Variants in RYR2 observed in about 807,000 individuals in gnomAD.
RYR2 encodes cardiac muscle ryanodine receptor-calcium release channel.
In RYR2, 227 loss-of-function variants were observed where a neutral mutation model predicts 601.1. The observed-to-expected ratio is 0.38, with a 90% confidence interval of 0.34 to 0.42. The LOEUF is 0.42. Ranked by LOEUF, RYR2 falls within the 10% of genes least tolerant of loss-of-function variation. The probability of loss-of-function intolerance (pLI) is 1.00; values close to 1 mark genes in which losing one functional copy is unlikely to be tolerated. For missense variants in RYR2, 4,646 were observed against 6,156.5 expected, an observed-to-expected ratio of 0.75 and a Z score of 8.21; for synonymous variants, 2,223 against 2,175.1, an observed-to-expected ratio of 1.02 and a Z score of -0.61.
chr1:237,367,397 A>G (rs1239297381), intron 5 of RYR2, among the ~76,000 whole-genome samples: 2 of 63,754 alleles, frequency 3.1e-5, no homozygotes, highest in African/African-American at 6.6e-5. Flanking sequence ...TGGCCCCCCA[A>G]AAAAAGTGGT....
intron 1 of RYR2, among the ~76,000 whole-genome samples, chr1:237,159,539 AC>A (rs1229755688): frequency 6.6e-6 from 1 of 151,890 alleles, no homozygotes; most frequent in African/African-American, 2.4e-5. Flanking sequence ...TTAAATGTGA[AC>A]TCAGGCCGGG....
intron 10 of RYR2, among the ~76,000 whole-genome samples, chr1:237,407,343 G>C (rs1015158517): frequency 7.1e-6 from 1 of 141,130 alleles, no homozygotes; most frequent in Non-Finnish European, 1.5e-5. Flanking sequence ...CCTATGGTAA[G>C]AGTATGTTTA....
intron 1 of RYR2, among the ~76,000 whole-genome samples, chr1:237,119,594 AGTTT>A (rs1670548617): frequency 6.6e-6 from 1 of 152,124 alleles, no homozygotes; most frequent in African/African-American, 2.4e-5. Context: ...TACGATGGCC[AGTTT>A]GTTTGGAGGA....
chr1:237,711,939 T>C (rs932218519), intron 71 of RYR2, 102 bp downstream of exon 71: 2 of 668,436 alleles, frequency 3.0e-6, no homozygotes, highest in Non-Finnish European at 5.4e-6. Flanking sequence ...AACTGGAATC[T>C]GACAGATTTG....
At position 237,737,046 on chromosome 1, in the gene RYR2, C is replaced by G. The variant is rs1691212160; in HGVS notation, c.11091+3290C>G. On this transcript the variant is annotated intron_variant, in intron 79 of 104. Transcript: ENST00000366574. ...TGGGTGTTCTCTGCAGCTGAAGAAT[C>G]GAAGTGGGCTGAACAGGTAGAAGCT... is the stretch of plus-strand genomic sequence containing the variant. Among the ~76,000 whole-genome samples, 3 of 152,102 alleles carry G rather than the reference C, an allele frequency of 2.0e-5. No homozygotes were observed. In the South Asian group the frequency reaches 6.2e-4, roughly 32 times the overall value.
At chr1:237,814,854 T>G (rs1224230477) in intron 100 of RYR2, among the ~76,000 whole-genome samples, 3 of 151,926 alleles carry the variant, frequency 2.0e-5, no homozygotes, top group African/African-American at 4.8e-5. Context: ...AAAAGTACAC[T>G]CCTAGGGAAA....
At chr1:237,652,480 A>G (rs1040450664) in intron 51 of RYR2, among the ~76,000 whole-genome samples, 4 of 152,106 alleles carry the variant, frequency 2.6e-5, no homozygotes, top group African/African-American at 4.8e-5. Flanking sequence ...TTTTTCCCCA[A>G]TGGCTACCCA....
At chr1:237,714,994 A>T (rs1328474248) in intron 71 of RYR2, among the ~76,000 whole-genome samples, 49,634 of 80,766 alleles carry the variant, frequency 0.61, 14,214 homozygotes, top group Non-Finnish European at 0.71. Context: ...TCCATCTCAA[A>T]AAAAAAAAAA....
At chr1:237,253,863 T>C (rs1305951574) in intron 1 of RYR2, among the ~76,000 whole-genome samples, 1 of 152,160 alleles carries the variant, frequency 6.6e-6, no homozygotes, top group Non-Finnish European at 1.5e-5. Context: ...AATCAACATG[T>C]TAATTAAAGA....
chr1:237,344,995 G>C (rs1698169730), intron 3 of RYR2, among the ~76,000 whole-genome samples: 1 of 151,984 alleles, frequency 6.6e-6, no homozygotes, highest in South Asian at 2.1e-4. Flanking sequence ...ATTTTTAGTA[G>C]AGACGGGGTT....
At chr1:237,485,878 C>T (rs1184045288) in intron 17 of RYR2, among the ~76,000 whole-genome samples, 1 of 152,006 alleles carries the variant, frequency 6.6e-6, no homozygotes, top group East Asian at 1.9e-4. Flanking sequence ...TCTGGGAAGC[C>T]ATTAAAGATT....
At chr1:237,284,697 CCCAT>C (rs1376854655) in intron 2 of RYR2, among the ~76,000 whole-genome samples, 1 of 147,006 alleles carries the variant, frequency 6.8e-6, no homozygotes, top group Non-Finnish European at 1.5e-5. Context: ...CACACACACA[CCCAT>C]AAACACCCCC....
At chr1:237,786,228 C>G (rs1381551338) in intron 91 of RYR2, among the ~76,000 whole-genome samples, 192 bp downstream of exon 91, 1 of 152,074 alleles carries the variant, frequency 6.6e-6, no homozygotes, top group Non-Finnish European at 1.5e-5. Flanking sequence ...ACTGTAGACG[C>G]CCCCGGGGCT....
rs1404353801 is a variant in RYR2 at position 237,491,889 on chromosome 1, A to G, written c.1792A>G (p.Ile598Val). The change falls in exon 18 of 105, where the codon ATC becomes GTC. Residue 598 changes from isoleucine (I) to valine (V), a missense_variant. Transcript: ENST00000366574. ...IIKEGHIKSI[I>V]SLLDKHGRNH... ...TAAAGAAGGACATATTAAATCTATT[A>G]TCTCACTTTTAGACAAACATGGAAG... 9 of 1,423,364 alleles carry G rather than the reference A, an allele frequency of 6.3e-6. No homozygotes were observed. In the Admixed American group the frequency reaches 1.2e-4, roughly 19 times the overall value. 88.2% of individuals were successfully genotyped at this position (1,423,364 alleles called of 1,614,324 possible).
At chr1:237,551,366 A>G (rs1224371295) in intron 27 of RYR2, among the ~76,000 whole-genome samples, 1 of 151,752 alleles carries the variant, frequency 6.6e-6, no homozygotes, top group Non-Finnish European at 1.5e-5. Flanking sequence ...CATTTCTACT[A>G]AAAAATACAA....
chr1:237,073,902 T>C (rs1664691666), intron 1 of RYR2, among the ~76,000 whole-genome samples: 1 of 150,204 alleles, frequency 6.7e-6, no homozygotes, highest in East Asian at 2.0e-4. Flanking sequence ...TAGTGATTGA[T>C]TACATGTTGA....
intron 84 of RYR2, among the ~76,000 whole-genome samples, chr1:237,769,719 T>C (rs1404531089): frequency 6.6e-6 from 1 of 151,688 alleles, no homozygotes; most frequent in African/African-American, 2.4e-5. Context: ...AAAGTATTTA[T>C]TTCCATTCTG....
chr1:237,742,381 T>C (rs574433535), intron 80 of RYR2, 32 bp downstream of exon 80: 1 of 1,445,652 alleles, frequency 6.9e-7, no homozygotes, highest in Non-Finnish European at 9.5e-7. Flanking sequence ...TTGCCTTTCT[T>C]TCTATCTTGA....
chr1:237,662,783 C>T (rs1038617722), intron 56 of RYR2, among the ~76,000 whole-genome samples: 6 of 152,110 alleles, frequency 3.9e-5, no homozygotes, highest in African/African-American at 1.4e-4. Flanking sequence ...ATTTCATATG[C>T]GATTTCAAAA....
Sources: gnomAD v4.1 joint callset for allele counts (sites outside exome capture counted in the v4.1 genomes callset) on GRCh38, gnomAD v4.1.1 for gene constraint, MANE v1.5 for transcripts, NCBI Gene and HGNC (gene_info 2026-07-23, HGNC 2026-07-21) for gene names.